The following GALNT13 variants were observed in gnomAD, a reference collection of about 807,000 sequenced individuals.
GALNT13 encodes the protein UDP-GalNAc:polypeptide N-acetylgalactosaminyltransferase 13.
Under a neutral mutation model 64.2 loss-of-function variants are expected in GALNT13, and 28 were observed. The observed-to-expected ratio is 0.44, with a 90% confidence interval of 0.32 to 0.60. The LOEUF is 0.60. GALNT13 is among the 20% of genes least tolerant of loss of function. The probability of loss-of-function intolerance (pLI) is 0.05; values close to 1 mark genes in which losing one functional copy is unlikely to be tolerated. For synonymous variants in GALNT13, 214 were observed against 224.6 expected (o/e 0.95, Z 0.42); for missense variants, 577 against 669.8 (o/e 0.86, Z 1.53).
the GALNT13 span, among the ~76,000 whole-genome samples, chr2:153,452,844 T>C: frequency 1.3e-5 from 2 of 152,086 alleles, no homozygotes; most frequent in Non-Finnish European, 2.9e-5. Flanking sequence ...ACAACAAAGC[T>C]GGAGGCATTA....
the GALNT13 span, among the ~76,000 whole-genome samples, chr2:153,827,188 G>A: frequency 7.9e-5 from 12 of 151,938 alleles, no homozygotes; most frequent in African/African-American, 1.5e-4. Flanking sequence ...GGAAACTCCC[G>A]CTTTTAAAAC....
chr2:153,335,012 A>G, the GALNT13 span, among the ~76,000 whole-genome samples: 4 of 152,150 alleles, frequency 2.6e-5, no homozygotes, highest in African/African-American at 7.2e-5. Flanking sequence ...GATAGTGAAT[A>G]AGTCTCATGA....
chr2:153,626,637 A>G, the GALNT13 span, among the ~76,000 whole-genome samples: 1 of 152,112 alleles, frequency 6.6e-6, no homozygotes, highest in Non-Finnish European at 1.5e-5. Flanking sequence ...TAAATACTGT[A>G]TAGTTTAGCA....
At chr2:153,677,970 A>G in the GALNT13 span, among the ~76,000 whole-genome samples, 3 of 151,966 alleles carry the variant, frequency 2.0e-5, no homozygotes, top group African/African-American at 7.2e-5. Context: ...CATAGGTCCC[A>G]GCAAAGATTT....
At chr2:153,944,817 C>T (rs1027947734) in intron 3 of GALNT13, among the ~76,000 whole-genome samples, 178 bp downstream of exon 3, 8 of 152,106 alleles carry the variant, frequency 5.3e-5, no homozygotes, top group Non-Finnish European at 8.8e-5. Flanking sequence ...TGGTCTTAGG[C>T]GTCTTCTTGG....
intron 10 of GALNT13, among the ~76,000 whole-genome samples, chr2:154,407,412 T>C (rs1011598807): frequency 6.6e-6 from 1 of 152,118 alleles, no homozygotes; most frequent in Non-Finnish European, 1.5e-5. Flanking sequence ...ACTTATATAA[T>C]TTGATCAGAC....
the GALNT13 span, among the ~76,000 whole-genome samples, chr2:153,839,401 T>C: frequency 1.3e-5 from 2 of 151,954 alleles, no homozygotes; most frequent in African/African-American, 4.8e-5. Context: ...GGGCTTGTAA[T>C]ATATGGCTTT....
At chr2:153,667,864 G>A in the GALNT13 span, among the ~76,000 whole-genome samples, 2 of 152,108 alleles carry the variant, frequency 1.3e-5, no homozygotes, top group Admixed American at 1.3e-4. Context: ...TCAACTGTAT[G>A]CTGTCTTCAA....
At chr2:153,875,674 T>G (rs1004147294) in intron 1 of GALNT13, among the ~76,000 whole-genome samples, 2 of 152,186 alleles carry the variant, frequency 1.3e-5, no homozygotes, top group African/African-American at 4.8e-5. Context: ...TCTTTATGAA[T>G]GGGCAGATGA....
the GALNT13 span, among the ~76,000 whole-genome samples, chr2:153,243,776 A>AT: frequency 9.3e-5 from 14 of 151,046 alleles, no homozygotes; most frequent in Admixed American, 2.0e-4. Context: ...GGATTATTTC[A>AT]TTTTTTTTTC....
At chr2:153,811,176 C>A in the GALNT13 span, among the ~76,000 whole-genome samples, 1 of 152,112 alleles carries the variant, frequency 6.6e-6, no homozygotes, top group African/African-American at 2.4e-5. Context: ...AAATACCCAA[C>A]TGGAGAATGA....
At chr2:153,254,909 T>C in the GALNT13 span, among the ~76,000 whole-genome samples, 2 of 152,200 alleles carry the variant, frequency 1.3e-5, no homozygotes, top group Non-Finnish European at 2.9e-5. Context: ...AATTTTGGAA[T>C]AGGTGTGGTG....
chr2:153,403,029 C>G, the GALNT13 span, among the ~76,000 whole-genome samples: 29 of 151,072 alleles, frequency 1.9e-4, no homozygotes, highest in African/African-American at 6.3e-4. Flanking sequence ...TCCAGTTTTT[C>G]TGTTCTGTTT....
chr2:154,064,448 A>C (rs771412240), intron 3 of GALNT13, among the ~76,000 whole-genome samples: 1 of 152,144 alleles, frequency 6.6e-6, no homozygotes, highest in Non-Finnish European at 1.5e-5. Context: ...TCCAGGCAGC[A>C]CAGCTCACAG....
intron 8 of GALNT13, 82 bp downstream of exon 8, chr2:154,259,220 A>G: frequency 1.3e-6 from 1 of 789,492 alleles, no homozygotes; most frequent in Non-Finnish European, 2.1e-6. Context: ...ATTTACTGTC[A>G]AATCATTTTT....
At chr2:153,754,657 G>A in the GALNT13 span, among the ~76,000 whole-genome samples, 1 of 152,100 alleles carries the variant, frequency 6.6e-6, no homozygotes, top group South Asian at 2.1e-4. Context: ...TTAAAGGAGG[G>A]ATGATGTCAG....
the GALNT13 span, among the ~76,000 whole-genome samples, chr2:153,465,906 A>G: frequency 1.3e-5 from 2 of 152,052 alleles, no homozygotes; most frequent in Admixed American, 1.3e-4. Context: ...CTACTTCAGT[A>G]ACGGCCAAAA....
At chr2:153,656,325 TG>T in the GALNT13 span, among the ~76,000 whole-genome samples, 1 of 148,788 alleles carries the variant, frequency 6.7e-6, no homozygotes. Context: ...GAAGTGTGTG[TG>T]TGTGTGTGTG....
intron 9 of GALNT13, among the ~76,000 whole-genome samples, chr2:154,307,732 G>A (rs891154819): frequency 6.6e-6 from 1 of 151,998 alleles, no homozygotes; most frequent in Non-Finnish European, 1.5e-5. Flanking sequence ...TAAAGCCTAT[G>A]GCAGTTTTCA....
Sources: gnomAD v4.1 joint callset for allele counts (sites outside exome capture counted in the v4.1 genomes callset) on GRCh38, gnomAD v4.1.1 for gene constraint, MANE v1.5 for transcripts, NCBI Gene and HGNC (gene_info 2026-07-23, HGNC 2026-07-21) for gene names.